The following ADGRL2 variants were observed in gnomAD, a reference collection of about 807,000 sequenced individuals.
The protein encoded by ADGRL2 is calcium-independent alpha-latrotoxin receptor 2.
A neutral mutation model predicts 157.4 loss-of-function variants in ADGRL2; 44 were observed. The observed-to-expected ratio is 0.28, with a 90% CI of 0.22 to 0.36. The LOEUF (loss-of-function observed/expected upper bound fraction) is 0.36. ADGRL2 is among the 10% of genes least tolerant of loss of function. The pLI is 1.00. For synonymous variants in ADGRL2, 585 were observed against 624.7 expected (o/e 0.94, Z 0.95); for missense variants, 1,510 against 1,768.9 (o/e 0.85, Z 2.63).
intron 3 of ADGRL2, among the ~76,000 whole-genome samples, chr1:81,682,490 A>T (rs1048916864): frequency 6.6e-6 from 1 of 152,052 alleles, no homozygotes; most frequent in East Asian, 1.9e-4. Flanking sequence ...GTCTCTTTGG[A>T]TGTGAGGCTA....
chr1:81,866,751 C>G (rs778708368), intron 2 of ADGRL2, among the ~76,000 whole-genome samples: 1 of 152,020 alleles, frequency 6.6e-6, no homozygotes, highest in African/African-American at 2.4e-5. Flanking sequence ...GATAATCTTT[C>G]ATTATTCATA....
At chr1:81,822,028 C>CTTTTTT (rs10653806) in intron 1 of ADGRL2, among the ~76,000 whole-genome samples, 3,219 of 124,902 alleles carry the variant, frequency 0.026, 209 homozygotes, top group African/African-American at 0.046. Flanking sequence ...ATATCAGAAA[C>CTTTTTT]TTTTTTTTTT....
At chr1:81,561,969 G>A (rs2080453367) in intron 2 of ADGRL2, among the ~76,000 whole-genome samples, 1 of 152,054 alleles carries the variant, frequency 6.6e-6, no homozygotes, top group Admixed American at 6.6e-5. Flanking sequence ...ACAAAAGTTA[G>A]CATCATTTAT....
chr1:81,575,818 G>A (rs534409793), intron 2 of ADGRL2, among the ~76,000 whole-genome samples: 49 of 152,002 alleles, frequency 3.2e-4, no homozygotes, highest in Non-Finnish European at 5.1e-4. Context: ...AAATAAATAC[G>A]CATAGTATCT....
chr1:81,888,736 A>G lies in ADGRL2; in HGVS notation c.74-18281A>G, dbSNP rs191233335. On this transcript the variant is annotated intron_variant, in intron 2 of 23. Coordinates refer to ENST00000686636, the MANE Select transcript of ADGRL2 (RefSeq NM_001366006.2). ...CAAAGTGCTGGGATTACAAGTGTGA[A>G]CCACTGCGCCCGGCCTGCTTTTTTT... Among the ~76,000 whole-genome samples the G allele has an allele frequency of 1.7e-4, 26 of 152,118 alleles. No individual in the cohort carries two copies. In the East Asian group the frequency reaches 4.9e-3, roughly 28 times the overall value.
intron 3 of ADGRL2, among the ~76,000 whole-genome samples, chr1:81,584,559 C>G (rs1338833994): frequency 6.6e-6 from 1 of 152,082 alleles, no homozygotes; most frequent in Non-Finnish European, 1.5e-5. Context: ...TAAGATGTAA[C>G]AGAATGTTCT....
chr1:81,694,223 C>T (rs2083398765), intron 3 of ADGRL2, among the ~76,000 whole-genome samples: 1 of 151,998 alleles, frequency 6.6e-6, no homozygotes, highest in South Asian at 2.1e-4. Flanking sequence ...AAAAAAGCAC[C>T]TAGAAGATGC....
intron 2 of ADGRL2, among the ~76,000 whole-genome samples, chr1:81,840,466 GACTT>G (rs1402614000): frequency 1.3e-5 from 2 of 151,914 alleles, no homozygotes; most frequent in Non-Finnish European, 2.9e-5. Context: ...AATTCATAAG[GACTT>G]ACTCTGTGTT....
chr1:81,334,040 T>C (rs1009795644), intron 1 of ADGRL2, among the ~76,000 whole-genome samples: 3 of 152,226 alleles, frequency 2.0e-5, no homozygotes, highest in African/African-American at 7.2e-5. Context: ...CTAACCTCCA[T>C]AACTTTAAGA....
intron 2 of ADGRL2, among the ~76,000 whole-genome samples, chr1:81,762,015 C>A (rs1017530766): frequency 6.6e-6 from 1 of 152,024 alleles, no homozygotes; most frequent in African/African-American, 2.4e-5. Flanking sequence ...TATTCAAATT[C>A]TATAATTATT....
chr1:81,993,088 T>TA lies in ADGRL2; in HGVS notation c.*1943_*1944insA, dbSNP rs1491265569. On this transcript the variant is annotated 3_prime_UTR_variant, in exon 24 of 24. Coordinates refer to ENST00000686636, the MANE Select transcript of ADGRL2 (RefSeq NM_001366006.2). Reference sequence around the variant, plus strand: ...ATATATATATATATATATATATATATTTTTTTTTTTTTTTTTTTTTTTTTT... The same window carrying TA: ...ATATATATATATATATATATATATATATTTTTTTTTTTTTTTTTTTTTTTTT... Among the ~76,000 whole-genome samples, 74 of 19,566 alleles carry TA rather than the reference T, an allele frequency of 3.8e-3. No homozygotes were observed. Among genetic ancestry groups the TA allele is most frequent in the African/African-American group, 9.5e-3 (38 of 4,010 alleles). The allele number at this position is 19,566 out of a possible 152,430, so 12.8% of individuals were successfully genotyped here. A position where few individuals can be genotyped will look rare whatever the true frequency, so the allele number is the denominator to read the frequency against.
At chr1:81,843,320 A>C (rs886768190) in intron 2 of ADGRL2, among the ~76,000 whole-genome samples, 2 of 152,038 alleles carry the variant, frequency 1.3e-5, no homozygotes, top group Non-Finnish European at 2.9e-5. Flanking sequence ...TTTAGTAGAC[A>C]CGGGGTTTCA....
At chr1:81,771,426 G>T (rs1242992793) in intron 2 of ADGRL2, among the ~76,000 whole-genome samples, 1 of 152,044 alleles carries the variant, frequency 6.6e-6, no homozygotes, top group African/African-American at 2.4e-5. Flanking sequence ...CAAAGCCCAG[G>T]GCTTAGTGCT....
intron 2 of ADGRL2, among the ~76,000 whole-genome samples, chr1:81,459,576 A>C (rs893332571): frequency 6.6e-6 from 1 of 152,082 alleles, no homozygotes; most frequent in Non-Finnish European, 1.5e-5. Flanking sequence ...TCATCTGCCT[A>C]TGGGCATTCA....
intron 11 of ADGRL2, among the ~76,000 whole-genome samples, chr1:81,964,143 C>T (rs1656350946): frequency 6.6e-6 from 1 of 151,860 alleles, no homozygotes; most frequent in South Asian, 2.1e-4. Flanking sequence ...TTTTTCTTTA[C>T]TGTGAACATT....
intron 2 of ADGRL2, among the ~76,000 whole-genome samples, chr1:81,784,047 A>T (rs946372582): frequency 7.9e-5 from 12 of 152,224 alleles, no homozygotes; most frequent in Non-Finnish European, 1.2e-4. Context: ...CAGCTTGAAA[A>T]TGATGAAGCT....
At chr1:81,669,942 CAAAAAAAAAAA>C (rs11389637) in intron 3 of ADGRL2, among the ~76,000 whole-genome samples, 3 of 88,036 alleles carry the variant, frequency 3.4e-5, no homozygotes, top group African/African-American at 1.2e-4. Context: ...GACTACGTCT[CAAAAAAAAAAA>C]AAAAAAAAGA....
At chr1:81,730,752 G>A (rs983264314) in intron 1 of ADGRL2, among the ~76,000 whole-genome samples, 1 of 151,860 alleles carries the variant, frequency 6.6e-6, no homozygotes, top group African/African-American at 2.4e-5. Flanking sequence ...AGTCCTCAGT[G>A]CTTCAAACAA....
chr1:81,546,648 G>A (rs1039288044), intron 2 of ADGRL2, among the ~76,000 whole-genome samples: 13 of 152,150 alleles, frequency 8.5e-5, no homozygotes, highest in African/African-American at 3.1e-4. Flanking sequence ...TTACATTGTT[G>A]ATTCAATCTT....
Sources: allele counts gnomAD v4.1 joint callset (sites outside exome capture counted in the v4.1 genomes callset), GRCh38; gene constraint gnomAD v4.1.1; transcripts MANE v1.5; gene names NCBI Gene and HGNC (gene_info 2026-07-23, HGNC 2026-07-21).